AP1M1: variants seen among roughly 807,000 people sequenced by gnomAD.
AP1M1 encodes the protein adaptor related protein complex 1 subunit mu 1, also known as AP-1 complex subunit mu-1.
AP1M1 carries 18 observed loss-of-function variants against 57.1 expected under a neutral mutation model. The ratio of observed to expected loss-of-function variants is 0.32; its 90% CI spans 0.22 to 0.47. AP1M1 has a LOEUF of 0.47. Ranked by LOEUF, AP1M1 falls within the 20% of genes least tolerant of loss-of-function variation. The probability of loss-of-function intolerance (pLI) is 1.00; values close to 1 mark genes in which losing one functional copy is unlikely to be tolerated. For synonymous variants in AP1M1, 241 were observed against 237.9 expected (o/e 1.01, Z -0.12); for missense variants, 362 against 593.5 (o/e 0.61, Z 4.05).
In AP1M1 at chr19:16,237,006, T is replaced by C. The variant is rs902676890; in HGVS notation, c.*2571T>C. The C allele has an allele frequency of 2.6e-5, 4 of 152,250 alleles. No homozygotes were observed. Among genetic ancestry groups the C allele is most frequent in the African/African-American group, 7.2e-5 (3 of 41,468 alleles). 9.4% of individuals were successfully genotyped at this position (152,250 alleles called of 1,614,324 possible). A position where few individuals can be genotyped will look rare whatever the true frequency, so the allele number is the denominator to read the frequency against. On this transcript the variant is annotated 3_prime_UTR_variant, in exon 12 of 12. Transcript: ENST00000291439. The stretch of plus-strand genomic sequence containing the variant: ...TGAATAGAAAAGAGCAAAATGCTGT[T>C]AAGACAGAGCTGTTACAACATCCAA...
intron 1 of AP1M1, chr19:16,202,980 G>A (rs2091454837): frequency 1.1e-5 from 2 of 178,104 alleles, no homozygotes; most frequent in Admixed American, 1.1e-4. Context: ...TGTATATCCT[G>A]ACCCACAGGC....
intron 11 of AP1M1, 28 bp downstream of exon 11, chr19:16,234,302 G>A (rs751075343): frequency 6.2e-7 from 1 of 1,613,396 alleles, no homozygotes; most frequent in South Asian, 1.1e-5. Flanking sequence ...CGTGGGGTGG[G>A]GTTGTACTGA....
In AP1M1 at chr19:16,207,166, C is replaced by T. The variant is rs964246356; in HGVS notation, c.267+758C>T. Among the ~76,000 whole-genome samples, 2 of 151,976 alleles carry T rather than the reference C, an allele frequency of 1.3e-5. No homozygotes were observed. The highest frequency in any genetic ancestry group is 6.6e-5 in the Admixed American group (1 of 15,258). ...TGGCCGAGGTGGGCTGTGGGGCTCA[C>T]GAAAGTGGGGAACAGGACCCAGGAG... is the stretch of plus-strand genomic sequence containing the variant. On this transcript the variant is annotated intron_variant, in intron 3 of 11. Coordinates refer to ENST00000291439, the MANE Select transcript of AP1M1 (RefSeq NM_032493.4). The surrounding 1 kb of genome is among the most constrained non-coding windows in gnomAD (Gnocchi z 4.2).
intron 1 of AP1M1, among the ~76,000 whole-genome samples, chr19:16,199,435 G>T (rs926797094): frequency 6.6e-6 from 1 of 152,184 alleles, no homozygotes; most frequent in Admixed American, 6.5e-5. Flanking sequence ...TGGCTGCCTG[G>T]CCTGTTGCAT....
intron 5 of AP1M1, among the ~76,000 whole-genome samples, chr19:16,217,486 C>T (rs538666095): frequency 6.6e-5 from 10 of 152,188 alleles, no homozygotes; most frequent in South Asian, 4.1e-4. Context: ...GCAGTGGGAG[C>T]GGGGCTCAGG....
chr19:16,217,630 G>A (rs2091524552), intron 5 of AP1M1, among the ~76,000 whole-genome samples: 1 of 152,114 alleles, frequency 6.6e-6, no homozygotes, highest in South Asian at 2.1e-4. Context: ...GCCAGGCTGG[G>A]GCCCCAGGAG....
chr19:16,233,011 C>G (rs2091605845), intron 9 of AP1M1, among the ~76,000 whole-genome samples: 1 of 152,214 alleles, frequency 6.6e-6, no homozygotes, highest in Non-Finnish European at 1.5e-5. Context: ...TCGCCTCTCC[C>G]TGGTCATGGT....
chr19:16,219,026 C>T (rs2091530731), intron 5 of AP1M1, among the ~76,000 whole-genome samples: 1 of 150,950 alleles, frequency 6.6e-6, no homozygotes, highest in Non-Finnish European at 1.5e-5. Flanking sequence ...TTCTTTTTCA[C>T]CTTGAGGAAG....
chr19:16,210,300 A>G lies in AP1M1; in HGVS notation c.546+1123A>G. ...TCCAATCTTTGGCAATTGTCAATAG[A>G]GTTGCTAGAAACATGTCGTGTCCAG... On this transcript the variant is annotated intron_variant, in intron 5 of 11. Transcript: ENST00000291439. 6 of 692,762 alleles carry G rather than the reference A, an allele frequency of 8.7e-6. No homozygotes were observed. In the South Asian group the frequency reaches 9.2e-5, roughly 11 times the overall value. The allele number at this position is 692,762 out of a possible 1,614,324, so 42.9% of individuals were successfully genotyped here. A position where few individuals can be genotyped will look rare whatever the true frequency, so the allele number is the denominator to read the frequency against.
At position 16,228,003 on chromosome 19, in the gene AP1M1, C is replaced by A; in HGVS notation, c.817-134C>A. On this transcript the variant is annotated intron_variant, in intron 7 of 11. Coordinates refer to ENST00000291439, the MANE Select transcript of AP1M1 (RefSeq NM_032493.4). This position sits in a 1 kb window ranked among gnomAD's most constrained non-coding sequence, Gnocchi z 5.0. ...CTGCCCTGGCCCTCCCTGACGCTGG[C>A]TGTACGCTCCCTGCAGGGCTCTGGG... 4 of 962,552 alleles carry A rather than the reference C, an allele frequency of 4.2e-6. No individual in the cohort carries two copies. The highest frequency in any genetic ancestry group is 6.3e-6 in the Non-Finnish European group (4 of 631,610). The allele number at this position is 962,552 out of a possible 1,614,324, so 59.6% of individuals were successfully genotyped here. A position where few individuals can be genotyped will look rare whatever the true frequency, so the allele number is the denominator to read the frequency against.
In AP1M1 at chr19:16,227,507, C is replaced by T. The variant is rs755987949; in HGVS notation, c.674-41C>T. 16 of 1,595,466 alleles carry T rather than the reference C, an allele frequency of 1.0e-5. No individual in the cohort carries two copies. Among genetic ancestry groups the T allele is most frequent in the Admixed American group, 1.7e-5 (1 of 59,606 alleles). On this transcript the variant is annotated intron_variant, in intron 6 of 11. Transcript: ENST00000291439. This position sits in a 1 kb window ranked among gnomAD's most constrained non-coding sequence, Gnocchi z 6.2. ...TAGGAGTACTGCTGAGATAGTGACC[C>T]GGAGGGCCCAGATCTGTCCTACCCT...
chr19:16,215,231 G>T (rs1325946570), intron 5 of AP1M1, among the ~76,000 whole-genome samples: 2 of 69,762 alleles, frequency 2.9e-5, no homozygotes, highest in Non-Finnish European at 7.4e-5. Context: ...AGGGGGGAGG[G>T]GAGGGGATCA....
At chr19:16,224,002 G>A (rs889480637) in intron 5 of AP1M1, among the ~76,000 whole-genome samples, 1 of 152,196 alleles carries the variant, frequency 6.6e-6, no homozygotes, top group Non-Finnish European at 1.5e-5. Context: ...GTGCAGCATT[G>A]AGCACGCTTG....
intron 4 of AP1M1, 114 bp downstream of exon 4, chr19:16,208,263 C>T (rs2091478291): frequency 8.4e-7 from 1 of 1,196,146 alleles, no homozygotes; most frequent in Middle Eastern, 2.0e-4. Flanking sequence ...CCCCACCTGC[C>T]TCCCACCTCC....
At chr19:16,221,414 C>T (rs191329251) in intron 5 of AP1M1, among the ~76,000 whole-genome samples, 12 of 152,344 alleles carry the variant, frequency 7.9e-5, no homozygotes, top group Admixed American at 4.6e-4. Flanking sequence ...CGTTTTTATC[C>T]CTTATGCAGC....
In AP1M1 at chr19:16,227,697, G is replaced by A; in HGVS notation, c.816+7G>A. ...CTACCGTCTCAACACCCACGTGAGT[G>A]CGCCACCCTGGGGCTGGGCTGTCGG... On this transcript the variant is annotated splice_region_variant and intron_variant, in intron 7 of 11. Coordinates refer to ENST00000291439, the MANE Select transcript of AP1M1 (RefSeq NM_032493.4). This position sits in a 1 kb window ranked among gnomAD's most constrained non-coding sequence, Gnocchi z 6.2. 3 of 1,612,460 alleles carry A rather than the reference G, an allele frequency of 1.9e-6. No individual in the cohort carries two copies. The highest frequency in any genetic ancestry group is 2.5e-6 in the Non-Finnish European group (3 of 1,179,020).
chr19:16,227,353 G>T lies in AP1M1; in HGVS notation c.674-195G>T, dbSNP rs2091575744. On this transcript the variant is annotated intron_variant, in intron 6 of 11. Transcript: ENST00000291439. The surrounding 1 kb of genome is among the most constrained non-coding windows in gnomAD (Gnocchi z 6.2). ...AACCAGACCCACCAGCCCTGCCCCT[G>T]GGGACCCCAGGGGTGTGAGGAGTGA... Among the ~76,000 whole-genome samples, 1 of 151,990 alleles carries T rather than the reference G, an allele frequency of 6.6e-6. No individual in the cohort carries two copies. Among genetic ancestry groups the T allele is most frequent in the Admixed American group, 6.5e-5 (1 of 15,276 alleles).
Position 16,206,466 on chromosome 19 carries a change from TG to T in AP1M1, c.267+60del, listed in dbSNP as rs1343858561. On this transcript the variant is annotated intron_variant, in intron 3 of 11. Transcript: ENST00000291439. The surrounding 1 kb of genome is among the most constrained non-coding windows in gnomAD (Gnocchi z 4.3). Reference sequence around the variant, plus strand: ...GTGGAGGTTGTCTTGGCTCTGCTTGTGGACCTCCCCATACCTGGCCACCCTA... The same window carrying T: ...GTGGAGGTTGTCTTGGCTCTGCTTGTGACCTCCCCATACCTGGCCACCCTA... The T allele has an allele frequency of 6.3e-7, 1 of 1,579,344 alleles. No individual in the cohort carries two copies. Among genetic ancestry groups the T allele is most frequent in the African/African-American group, 1.3e-5 (1 of 74,186 alleles).
At chr19:16,201,972 G>C (rs182574340) in intron 1 of AP1M1, among the ~76,000 whole-genome samples, 29 of 152,114 alleles carry the variant, frequency 1.9e-4, no homozygotes, top group Non-Finnish European at 3.1e-4. Context: ...GTTCAGCAGT[G>C]GGGGAGAGAC....
Sources: allele counts gnomAD v4.1 joint callset (sites outside exome capture counted in the v4.1 genomes callset), GRCh38; gene constraint gnomAD v4.1.1; non-coding constraint Gnocchi (gnomAD v3.1); transcripts MANE v1.5; gene names NCBI Gene and HGNC (gene_info 2026-07-23, HGNC 2026-07-21).